Variants in LUZP2 observed in about 807,000 individuals in gnomAD.
LUZP2 encodes leucine zipper protein 2.
A neutral mutation model predicts 51.6 loss-of-function variants in LUZP2; 52 were observed. The observed-to-expected ratio is 1.01, with a 90% CI of 0.81 to 1.27. The LOEUF (loss-of-function observed/expected upper bound fraction) is 1.27. LUZP2 is among the 50% of genes most tolerant of loss of function. LUZP2 has a pLI of 0.00. For synonymous variants in LUZP2, 154 were observed against 137.3 expected, an observed-to-expected ratio of 1.12 and a Z score of -0.85; for missense variants, 436 against 395.4, an observed-to-expected ratio of 1.10 and a Z score of -0.87.
intron 5 of LUZP2, among the ~76,000 whole-genome samples, chr11:24,848,352 T>C: frequency 6.6e-6 from 1 of 152,296 alleles, no homozygotes; most frequent in Non-Finnish European, 1.5e-5. Flanking sequence ...CCCTTTATCT[T>C]CACTACATTT....
chr11:24,659,211 C>T (rs1016948243), intron 1 of LUZP2, among the ~76,000 whole-genome samples: 9 of 152,118 alleles, frequency 5.9e-5, no homozygotes, highest in Admixed American at 4.6e-4. Context: ...GAAAATGTGG[C>T]ACATATACAC....
At chr11:24,821,073 G>A (rs769704256) in intron 5 of LUZP2, among the ~76,000 whole-genome samples, 3 of 151,994 alleles carry the variant, frequency 2.0e-5, no homozygotes, top group South Asian at 4.1e-4. Context: ...ATGATTTATC[G>A]AAATCACTGT....
chr11:25,040,090 T>C (rs1248913793), intron 9 of LUZP2, among the ~76,000 whole-genome samples: 1 of 152,128 alleles, frequency 6.6e-6, no homozygotes, highest in African/African-American at 2.4e-5. Flanking sequence ...CAGAAATTTC[T>C]AGAAGACCAA....
intron 5 of LUZP2, among the ~76,000 whole-genome samples, chr11:24,839,464 A>G (rs1170615165): frequency 1.3e-5 from 2 of 151,780 alleles, no homozygotes; most frequent in Non-Finnish European, 3.0e-5. Flanking sequence ...TGCTAAATAT[A>G]ATCAAGTCAA....
Position 24,611,042 on chromosome 11 carries a change from A to G in LUZP2, c.62+113737A>G, listed in dbSNP as rs1387402032. 6.6e-6 allele frequency among the ~76,000 whole-genome samples: 1 copy of G among 151,184 alleles called. No individual in the cohort carries two copies. Among genetic ancestry groups the G allele is most frequent in the African/African-American group, 2.4e-5 (1 of 41,110 alleles). On this transcript the variant is annotated intron_variant, in intron 1 of 11. Coordinates refer to ENST00000336930, the MANE Select transcript of LUZP2 (RefSeq NM_001009909.4). The surrounding 1 kb of genome is among the most constrained non-coding windows in gnomAD (Gnocchi z 4.6). ...CTTAAATTGTTATAATGTACCTTAC[A>G]TGACATAGCTTTGTTTTTTTTTATT...
intron 7 of LUZP2, among the ~76,000 whole-genome samples, chr11:24,958,560 A>G (rs1252743560): frequency 6.6e-6 from 1 of 152,010 alleles, no homozygotes; most frequent in Non-Finnish European, 1.5e-5. Context: ...TCTTTTGAGA[A>G]GTGTCTGTTC....
At chr11:24,776,426 C>G (rs80288791) in intron 5 of LUZP2, among the ~76,000 whole-genome samples, 3,650 of 152,184 alleles carry the variant, frequency 0.024, 165 homozygotes, top group African/African-American at 0.084. Context: ...ATGAAATTTA[C>G]CCTACTCAAA....
intron 5 of LUZP2, among the ~76,000 whole-genome samples, chr11:24,873,517 A>T (rs1852149036): frequency 6.6e-6 from 1 of 152,232 alleles, no homozygotes; most frequent in Non-Finnish European, 1.5e-5. Flanking sequence ...TTTCCTTCAG[A>T]TAACCCTTTG....
intron 1 of LUZP2, among the ~76,000 whole-genome samples, chr11:24,576,642 T>C (rs1186491095): frequency 6.6e-6 from 1 of 151,920 alleles, no homozygotes; most frequent in East Asian, 1.9e-4. Context: ...AAACATTCTA[T>C]TTTTGGAGGT....
chr11:24,930,671 C>T (rs761273802), intron 7 of LUZP2, among the ~76,000 whole-genome samples: 23 of 152,232 alleles, frequency 1.5e-4, no homozygotes, highest in East Asian at 3.9e-4. Context: ...TCCTTCATCT[C>T]GACTTTAGAT....
intron 1 of LUZP2, among the ~76,000 whole-genome samples, chr11:24,667,482 C>G (rs1013462318): frequency 2.0e-5 from 3 of 152,054 alleles, no homozygotes; most frequent in Non-Finnish European, 4.4e-5. Flanking sequence ...GCCGCGTCCA[C>G]CACATGTTCT....
chr11:25,056,992 GGA>G (rs1565291442), intron 10 of LUZP2, among the ~76,000 whole-genome samples: 332 of 148,164 alleles, frequency 2.2e-3, no homozygotes, highest in Non-Finnish European at 4.2e-3. Flanking sequence ...CCCAGCTACT[GGA>G]GAGGCTGAGG....
intron 8 of LUZP2, among the ~76,000 whole-genome samples, chr11:24,978,078 G>A (rs533738075): frequency 6.6e-6 from 1 of 151,448 alleles, no homozygotes; most frequent in Non-Finnish European, 1.5e-5. Flanking sequence ...AAGGAAAGGA[G>A]CTTACCTTCT....
intron 5 of LUZP2, among the ~76,000 whole-genome samples, chr11:24,871,778 AT>A (rs1041329752): frequency 3.3e-5 from 5 of 152,162 alleles, no homozygotes; most frequent in Non-Finnish European, 7.4e-5. Context: ...TTAACACCAA[AT>A]TTGATAAAAT....
chr11:24,587,454 T>A (rs1365090160), intron 1 of LUZP2, among the ~76,000 whole-genome samples: 1 of 152,092 alleles, frequency 6.6e-6, no homozygotes, highest in East Asian at 1.9e-4. Flanking sequence ...AAGCACAATG[T>A]CTGGACGGAA....
chr11:25,060,452 C>T (rs937853466), intron 10 of LUZP2, among the ~76,000 whole-genome samples: 1 of 152,150 alleles, frequency 6.6e-6, no homozygotes, highest in African/African-American at 2.4e-5. Context: ...ATCCCATTAC[C>T]TTGTGAGTTA....
At chr11:24,696,435 C>T (rs1857249050) in intron 1 of LUZP2, among the ~76,000 whole-genome samples, 1 of 152,026 alleles carries the variant, frequency 6.6e-6, no homozygotes, top group East Asian at 1.9e-4. Flanking sequence ...TGTGAATGAG[C>T]ATAATGTTGG....
intron 1 of LUZP2, among the ~76,000 whole-genome samples, chr11:24,570,101 C>A (rs980895920): frequency 2.0e-5 from 3 of 151,954 alleles, no homozygotes; most frequent in Non-Finnish European, 2.9e-5. Flanking sequence ...CCAAATTACT[C>A]TTTATTCAGA....
At chr11:24,553,396 G>T (rs1177988057) in intron 1 of LUZP2, among the ~76,000 whole-genome samples, 1 of 152,008 alleles carries the variant, frequency 6.6e-6, no homozygotes, top group East Asian at 1.9e-4. Flanking sequence ...ATGTAAGGGC[G>T]TAAAGTATTT....
Sources: gnomAD v4.1 joint callset for allele counts (sites outside exome capture counted in the v4.1 genomes callset) on GRCh38, gnomAD v4.1.1 for gene constraint, Gnocchi (gnomAD v3.1) non-coding constraint, MANE v1.5 for transcripts, NCBI Gene and HGNC (gene_info 2026-07-23, HGNC 2026-07-21) for gene names.